The following STIM2 variants were observed in gnomAD, a reference collection of about 807,000 sequenced individuals.
STIM2 encodes stromal interaction molecule 2.
A neutral mutation model predicts 85.8 loss-of-function variants in STIM2; 31 were observed. The observed-to-expected ratio is 0.36, with a 90% CI of 0.27 to 0.49. STIM2 has a LOEUF of 0.49. Among genes scored for constraint, STIM2 ranks in the 20% least tolerant of loss-of-function variants. The pLI, the probability that STIM2 is intolerant of heterozygous loss-of-function variation, is 0.98. For synonymous variants in STIM2, 356 were observed against 331.1 expected, an observed-to-expected ratio of 1.08 and a Z score of -0.82; for missense variants, 841 against 927.6, an observed-to-expected ratio of 0.91 and a Z score of 1.21.
intron 3 of STIM2, among the ~76,000 whole-genome samples, chr4:26,994,108 T>A (rs1462573829): frequency 6.6e-6 from 1 of 152,162 alleles, no homozygotes; most frequent in Non-Finnish European, 1.5e-5. Flanking sequence ...AAAGATCATC[T>A]GTATGTTGGT....
At chr4:26,967,775 A>G (rs959090477) in intron 3 of STIM2, among the ~76,000 whole-genome samples, 2 of 151,982 alleles carry the variant, frequency 1.3e-5, no homozygotes, top group Non-Finnish European at 2.9e-5. Flanking sequence ...TTTGCATTGT[A>G]TGCATCTTCG....
intron 3 of STIM2, among the ~76,000 whole-genome samples, chr4:26,963,596 A>G (rs1726567161): frequency 6.6e-6 from 1 of 152,170 alleles, no homozygotes; most frequent in Non-Finnish European, 1.5e-5. Context: ...CAGGAGTTTA[A>G]CAGTGTTTTG....
In STIM2 at chr4:27,002,994, A is replaced by T. The variant is rs753683702; in HGVS notation, c.871A>T (p.Met291Leu). 9 of 1,600,952 alleles carry T rather than the reference A, an allele frequency of 5.6e-6. No homozygotes were observed. The Admixed American group carries it at 1.4e-4, about 25-fold the overall frequency. The change falls in exon 7 of 12, where the codon ATG (methionine) becomes TTG (leucine). Residue 291 changes from methionine to leucine, a missense_variant. Transcript: ENST00000467087. The stretch of plus-strand genomic sequence containing the variant: ...AAAGCAAAATTTAGAGCGCAAAATG[A>T]TGGATGAAATCAATTATGCAAAGGA...
chr4:26,960,338 A>G (rs1465605114), intron 3 of STIM2, among the ~76,000 whole-genome samples: 1 of 152,180 alleles, frequency 6.6e-6, no homozygotes, highest in Non-Finnish European at 1.5e-5. Context: ...GTATATATGT[A>G]TTTATACAGA....
chr4:26,886,392 A>G (rs1723252612), intron 1 of STIM2, among the ~76,000 whole-genome samples: 1 of 152,248 alleles, frequency 6.6e-6, no homozygotes, highest in Non-Finnish European at 1.5e-5. Context: ...ACAAATATTT[A>G]TCAGGAGATG....
intron 1 of STIM2, among the ~76,000 whole-genome samples, chr4:26,887,426 CT>C (rs1303883222): frequency 6.6e-6 from 1 of 152,054 alleles, no homozygotes; most frequent in East Asian, 1.9e-4. Context: ...ATTACAGGAA[CT>C]TCTCCGGTGT....
At chr4:26,976,665 G>A (rs1560227057) in intron 3 of STIM2, among the ~76,000 whole-genome samples, 2 of 151,848 alleles carry the variant, frequency 1.3e-5, no homozygotes, top group Admixed American at 6.6e-5. Context: ...AAATTAGCTG[G>A]GTGTGGTGCG....
Position 27,022,959 on chromosome 4 carries a change from C to A in STIM2, c.2204C>A (p.Ser735Ter). 1.9e-6 allele frequency: 3 copies of A among 1,613,436 alleles called. No homozygotes were observed. The highest frequency in any genetic ancestry group is 2.5e-6 in the Non-Finnish European group (3 of 1,179,920). The change falls in exon 12 of 12, where the codon TCA becomes TAA. Residue 735 changes from serine (S) to a stop codon, truncating the protein, a stop_gained. Transcript: ENST00000467087. LOFTEE classifies it high-confidence loss of function. The stretch of plus-strand genomic sequence containing the variant: ...AATGGAGAGAAAAGCAAAAAGCCAT[C>A]AAAAATCAAAAGCCTTTTTAAGAAG...
intron 2 of STIM2, among the ~76,000 whole-genome samples, chr4:26,931,945 T>TAG (rs2109074977): frequency 1.3e-5 from 2 of 152,346 alleles, no homozygotes; most frequent in South Asian, 4.1e-4. Flanking sequence ...AATGCTGGAT[T>TAG]AGTTTTGTAG....
intron 10 of STIM2, among the ~76,000 whole-genome samples, chr4:27,009,263 A>G (rs892261427): frequency 1.3e-5 from 2 of 151,328 alleles, no homozygotes; most frequent in Non-Finnish European, 2.9e-5. Context: ...AAATTTGATT[A>G]TTAAGTGTTT....
intron 3 of STIM2, among the ~76,000 whole-genome samples, chr4:26,993,447 T>C (rs1727837478): frequency 6.6e-6 from 1 of 152,174 alleles, no homozygotes; most frequent in African/African-American, 2.4e-5. Context: ...TTAAGCTTTT[T>C]CTCTAAAGAA....
intron 1 of STIM2, among the ~76,000 whole-genome samples, chr4:26,866,738 G>A (rs1722423296): frequency 6.6e-6 from 1 of 152,124 alleles, no homozygotes; most frequent in South Asian, 2.1e-4. Context: ...ATACTGGCAA[G>A]AATGAGACAT....
At chr4:26,993,593 G>C (rs1170534073) in intron 3 of STIM2, among the ~76,000 whole-genome samples, 3 of 151,936 alleles carry the variant, frequency 2.0e-5, no homozygotes, top group Non-Finnish European at 4.4e-5. Flanking sequence ...TGCTTTTATT[G>C]CTCACGTTTT....
intron 1 of STIM2, among the ~76,000 whole-genome samples, chr4:26,869,732 G>T (rs1722542599): frequency 6.6e-6 from 1 of 151,100 alleles, no homozygotes; most frequent in South Asian, 2.1e-4. Flanking sequence ...AGAGTGGATT[G>T]CATAATCTAA....
In STIM2 at chr4:26,975,551, A is replaced by G. The variant is rs182705810; in HGVS notation, c.397+17825A>G. Among the ~76,000 whole-genome samples, 585 of 152,328 alleles carry G rather than the reference A, an allele frequency of 3.8e-3. 6 individuals carry two copies. The highest frequency in any genetic ancestry group is 0.014 in the African/African-American group (567 of 41,578). On this transcript the variant is annotated intron_variant, in intron 3 of 11. Transcript: ENST00000467087. ...CATTCCAGACCCTGTTTGCCTGGGT[A>G]TCACCAGTGGAGGCTGCAGAACAGC...
chr4:27,009,990 T>C (rs1260389906), intron 10 of STIM2, among the ~76,000 whole-genome samples: 2 of 152,186 alleles, frequency 1.3e-5, no homozygotes, highest in Non-Finnish European at 2.9e-5. Flanking sequence ...AAAACACTTT[T>C]TGGGTTGGGG....
intron 1 of STIM2, among the ~76,000 whole-genome samples, chr4:26,899,648 T>G (rs933262927): frequency 1.3e-5 from 2 of 152,212 alleles, no homozygotes; most frequent in African/African-American, 2.4e-5. Context: ...AAGTGAAAAA[T>G]TCAGTCACTG....
At chr4:26,979,894 A>G (rs1479741590) in intron 3 of STIM2, among the ~76,000 whole-genome samples, 1 of 152,098 alleles carries the variant, frequency 6.6e-6, no homozygotes, top group African/African-American at 2.4e-5. Context: ...TTGAAAATTC[A>G]TTTGATGTTA....
intron 3 of STIM2, among the ~76,000 whole-genome samples, chr4:26,965,661 C>T (rs954424762): frequency 6.6e-6 from 1 of 152,038 alleles, no homozygotes; most frequent in Non-Finnish European, 1.5e-5. Context: ...TTATTATTCT[C>T]AGTTCTTCCT....
Sources: allele counts gnomAD v4.1 joint callset (sites outside exome capture counted in the v4.1 genomes callset), GRCh38; gene constraint gnomAD v4.1.1; transcripts MANE v1.5; gene names NCBI Gene and HGNC (gene_info 2026-07-23, HGNC 2026-07-21).